MIGA2: variants seen among roughly 807,000 people sequenced by gnomAD.
MIGA2 encodes family with sequence similarity 73, member B.
Under a neutral mutation model 69.9 loss-of-function variants are expected in MIGA2, and 36 were observed. The observed-to-expected ratio is 0.52, with a 90% CI of 0.39 to 0.68. The LOEUF (loss-of-function observed/expected upper bound fraction) is 0.68. MIGA2 is among the 30% of genes least tolerant of loss of function. MIGA2 has a pLI of 0.00. For missense variants in MIGA2, 660 were observed against 787.7 expected, an observed-to-expected ratio of 0.84 and a Z score of 1.94; for synonymous variants, 333 against 349.2, an observed-to-expected ratio of 0.95 and a Z score of 0.52.
intron 2 of MIGA2, among the ~76,000 whole-genome samples, chr9:129,040,998 C>T (rs1844874744): frequency 6.6e-6 from 1 of 152,134 alleles, no homozygotes; most frequent in African/African-American, 2.4e-5. Flanking sequence ...CAAGACCAGC[C>T]TGGCCAACAT....
rs775568954 is a variant in MIGA2, at chr9:129,042,323, G to C, written c.116G>C (p.Arg39Pro). ...TFGQSAFSQL[R>P]LTPGLRKVLF... ...CTGCAGTCTGCATTCTCCCAGCTAC[G>C]GTTGACGCCAGGCCTGCGGAAAGTC... Residue 39 changes from arginine to proline, a missense_variant, in exon 3 of 16, where the codon CGG becomes CCG. By Grantham distance (103) the Arg-to-Pro change is moderately radical (BLOSUM62 -2). This residue lies in a region of MIGA2 where 54 missense variants were observed against 84.0 expected (regional missense o/e 0.64). Coordinates refer to ENST00000684074, the MANE Select transcript of MIGA2 (RefSeq NM_001329990.2). 6 of 1,612,300 alleles carry C rather than the reference G, an allele frequency of 3.7e-6. No individual in the cohort carries two copies. Among genetic ancestry groups the C allele is most frequent in the Non-Finnish European group, 5.1e-6 (6 of 1,179,978 alleles).
Position 129,059,890 on chromosome 9 carries a change from C to T in MIGA2, c.793+619C>T, listed in dbSNP as rs555783143. The stretch of plus-strand genomic sequence containing the variant: ...AGACACAGAACCGGAGTGGGTCGGC[C>T]GAGCCACGCACCCTGCCCTGGCTTC... On this transcript the variant is annotated intron_variant, in intron 7 of 15. Coordinates refer to ENST00000684074, the MANE Select transcript of MIGA2 (RefSeq NM_001329990.2). The surrounding 1 kb of genome is among the most constrained non-coding windows in gnomAD (Gnocchi z 5.6). Among the ~76,000 whole-genome samples, 2 of 152,110 alleles carry T rather than the reference C, an allele frequency of 1.3e-5. No individual in the cohort carries two copies. The highest frequency in any genetic ancestry group is 2.9e-5 in the Non-Finnish European group (2 of 68,010).
Position 129,059,164 on chromosome 9 carries a change from A to G in MIGA2, c.686A>G (p.Gln229Arg). 6.2e-7 allele frequency: 1 copy of G among 1,613,454 alleles called. No individual in the cohort carries two copies. Among genetic ancestry groups the G allele is most frequent in the South Asian group, 1.1e-5 (1 of 91,014 alleles). The change falls in exon 7 of 16, where the codon CAG (glutamine) becomes CGG (arginine). Residue 229 changes from glutamine to arginine, a missense_variant. Gln to Arg is a conservative substitution (Grantham distance 43). Transcript: ENST00000684074. The surrounding 1 kb of genome is among the most constrained non-coding windows in gnomAD (Gnocchi z 5.6). ...TTGTTTTTATGGCAGCCAGAGTCACAGCGGAAGGAGTTTGCAGAGAAGCTG... is the reference window on the plus strand; with the variant it reads ...TTGTTTTTATGGCAGCCAGAGTCACGGCGGAAGGAGTTTGCAGAGAAGCTG... Reference protein sequence around the residue: ...ASEPLSEPESQRKEFAEKLES... With the variant: ...ASEPLSEPESRRKEFAEKLES...
chr9:129,043,278 A>G (rs1428379228), intron 3 of MIGA2, among the ~76,000 whole-genome samples: 1 of 152,040 alleles, frequency 6.6e-6, no homozygotes, highest in Non-Finnish European at 1.5e-5. Flanking sequence ...TGACACATAG[A>G]GTCATCCGAC....
chr9:129,048,387 G>A, intron 3 of MIGA2, 40 bp from the exon 4 acceptor site: 1 of 1,538,302 alleles, frequency 6.5e-7, no homozygotes, highest in Non-Finnish European at 9.0e-7. Flanking sequence ...AAAGGCCACA[G>A]GGGATGCCTG....
chr9:129,064,213 T>A (rs1265451927), intron 11 of MIGA2, among the ~76,000 whole-genome samples: 3 of 145,366 alleles, frequency 2.1e-5, no homozygotes, highest in Non-Finnish European at 3.0e-5. Flanking sequence ...TTTTTTCGTC[T>A]TTTTTTTTTT....
intron 2 of MIGA2, among the ~76,000 whole-genome samples, chr9:129,041,054 GC>G (rs1199930281): frequency 6.6e-6 from 1 of 152,156 alleles, no homozygotes. Flanking sequence ...AGGCGGGTAG[GC>G]TGGGCACAGT....
intron 11 of MIGA2, among the ~76,000 whole-genome samples, chr9:129,066,786 C>T (rs78876987): frequency 2.7e-5 from 4 of 150,822 alleles, no homozygotes; most frequent in African/African-American, 7.3e-5. Context: ...GGCGAAACCC[C>T]GTCTCTACTA....
chr9:129,038,277 A>G (rs1271093912), intron 1 of MIGA2, among the ~76,000 whole-genome samples: 1 of 152,196 alleles, frequency 6.6e-6, no homozygotes, highest in Non-Finnish European at 1.5e-5. Context: ...CAGGCTCCTC[A>G]GTCCTTCCCA....
At position 129,060,599 on chromosome 9, in the gene MIGA2, G is replaced by A. The variant is rs575619563; in HGVS notation, c.843G>A (p.Ala281=). 2.7e-4 allele frequency: 433 copies of A among 1,605,726 alleles called. 6 individuals are homozygous for A. In the South Asian group the frequency reaches 4.1e-3, roughly 15 times the overall value. Residue 281 remains alanine, a synonymous_variant, in exon 8 of 16, where the codon GCG becomes GCA. Transcript: ENST00000684074. This position sits in a 1 kb window ranked among gnomAD's most constrained non-coding sequence, Gnocchi z 4.8. ...PLTEGSLRLR[A]DDEDSLTSED... ...CCGAGGGCTCGCTGCGGCTGCGGGC[G>A]GACGATGAGGACAGCCTGACTTCAG... is the stretch of plus-strand genomic sequence containing the variant.
Position 129,069,064 on chromosome 9 carries a change from T to G in MIGA2, c.1405-12T>G. The stretch of plus-strand genomic sequence containing the variant: ...ATTTTGACACCCGGGGGACATCCTA[T>G]TTTTGATGTAGGCCTTGGCCACTGC... On this transcript the variant is annotated splice_polypyrimidine_tract_variant and intron_variant, in intron 13 of 15. Transcript: ENST00000684074. The surrounding 1 kb of genome is among the most constrained non-coding windows in gnomAD (Gnocchi z 4.9). 1 of 1,613,854 alleles carries G rather than the reference T, an allele frequency of 6.2e-7. No individual in the cohort carries two copies.
Position 129,051,253 on chromosome 9 carries a change from ATTAT to A in MIGA2, c.675+1321_675+1324del, listed in dbSNP as rs752763430. The A allele has an allele frequency of 1.8e-3, 312 of 172,822 alleles. 1 individual carries two copies. Among genetic ancestry groups the A allele is most frequent in the African/African-American group, 6.0e-3 (239 of 39,866 alleles). 10.7% of individuals were successfully genotyped at this position (172,822 alleles called of 1,614,324 possible). On this transcript the variant is annotated intron_variant, in intron 6 of 15. Coordinates refer to ENST00000684074, the MANE Select transcript of MIGA2 (RefSeq NM_001329990.2). ...GCAACATCCAAGTTTTCAACAGTGA[ATTAT>A]TTATTTATTTATTTATTTATTTATT... is the stretch of plus-strand genomic sequence containing the variant.
intron 9 of MIGA2, among the ~76,000 whole-genome samples, chr9:129,062,550 G>C (rs1421994484): frequency 2.3e-5 from 3 of 131,356 alleles, no homozygotes; most frequent in Non-Finnish European, 3.3e-5. Context: ...AAAAAAAAAA[G>C]CAAAAAAACT....
intron 6 of MIGA2, among the ~76,000 whole-genome samples, chr9:129,050,849 G>A (rs1181298663): frequency 1.3e-5 from 2 of 151,662 alleles, no homozygotes; most frequent in East Asian, 1.9e-4. Context: ...GAGATTACAG[G>A]TGTGAGCCAC....
At position 129,068,288 on chromosome 9, in the gene MIGA2, G is replaced by C; in HGVS notation, c.1360G>C (p.Ala454Pro). Residue 454 changes from alanine to proline, a missense_variant, in exon 13 of 16, where the codon GCC becomes CCC. Ala to Pro is a conservative substitution (Grantham distance 27). This residue lies in a region of MIGA2 where 220 missense variants were observed against 301.7 expected (regional missense o/e 0.73). Coordinates refer to ENST00000684074, the MANE Select transcript of MIGA2 (RefSeq NM_001329990.2). The surrounding 1 kb of genome is among the most constrained non-coding windows in gnomAD (Gnocchi z 4.1). Reference protein sequence around the residue: ...DLENPPASVLAVLRNRWLSDS... With the variant: ...DLENPPASVLPVLRNRWLSDS... ...GGAGAACCCTCCGGCCTCGGTGCTC[G>C]CCGTCCTGCGGAACCGCTGGCTGTC... 1 of 1,611,152 alleles carries C rather than the reference G, an allele frequency of 6.2e-7. No individual in the cohort carries two copies.
At chr9:129,058,420 A>G (rs1422879849) in intron 6 of MIGA2, among the ~76,000 whole-genome samples, 2 of 150,404 alleles carry the variant, frequency 1.3e-5, no homozygotes, top group African/African-American at 4.9e-5. Context: ...AAAAAAAAAA[A>G]GTTTTTTATG....
At chr9:129,039,041 C>T (rs923743653) in intron 1 of MIGA2, among the ~76,000 whole-genome samples, 7 of 151,664 alleles carry the variant, frequency 4.6e-5, no homozygotes, top group African/African-American at 1.5e-4. Context: ...GTGATCCGCC[C>T]GCCTCAGCCT....
chr9:129,067,582 C>T (rs1846426510), intron 11 of MIGA2, 191 bp from the exon 12 acceptor site: 1 of 591,628 alleles, frequency 1.7e-6, no homozygotes, highest in Admixed American at 3.0e-5. Flanking sequence ...GGCTTGAGAC[C>T]TGACTGGGTG....
intron 3 of MIGA2, among the ~76,000 whole-genome samples, chr9:129,043,313 A>G (rs1845022206): frequency 6.6e-6 from 1 of 151,972 alleles, no homozygotes; most frequent in South Asian, 2.1e-4. Context: ...GGAATCATTC[A>G]GCTGGTTGGA....
Sources: allele counts gnomAD v4.1 joint callset (sites outside exome capture counted in the v4.1 genomes callset), GRCh38; gene constraint gnomAD v4.1.1; regional missense constraint gnomAD v4.1.1; non-coding constraint Gnocchi (gnomAD v3.1); transcripts MANE v1.5; gene names NCBI Gene and HGNC (gene_info 2026-07-23, HGNC 2026-07-21).